Variants in PIGB observed in about 807,000 individuals in gnomAD.
PIGB encodes GPI alpha-1,2-mannosyltransferase 3.
A neutral mutation model predicts 68.4 loss-of-function variants in PIGB; 58 were observed. The ratio of observed to expected loss-of-function variants is 0.85; its 90% CI spans 0.69 to 1.06. The LOEUF (loss-of-function observed/expected upper bound fraction) is 1.06, where lower values mean the gene tolerates loss of function less well. Ranked by LOEUF, PIGB falls within the 50% of genes least tolerant of loss-of-function variation. The pLI is 0.00. For synonymous variants in PIGB, 219 were observed against 220.5 expected (o/e 0.99, Z 0.06); for missense variants, 634 against 655.8 (o/e 0.97, Z 0.36).
intron 11 of PIGB, 78 bp from the exon 12 acceptor site, chr15:55,355,208 T>A: frequency 8.7e-7 from 1 of 1,152,184 alleles, no homozygotes; most frequent in Non-Finnish European, 1.2e-6. Flanking sequence ...GCAATTAGAA[T>A]AGGCAATTCT....
chr15:55,329,027 A>G (rs936829193), intron 4 of PIGB, among the ~76,000 whole-genome samples: 3 of 152,198 alleles, frequency 2.0e-5, no homozygotes, highest in African/African-American at 7.2e-5. Context: ...GAAAATTGGG[A>G]ACATTTTTTA....
At position 55,319,379 on chromosome 15, in the gene PIGB, C is replaced by A. The variant is rs1055991812; in HGVS notation, c.129C>A (p.Phe43Leu). The A allele has an allele frequency of 3.2e-6, 5 of 1,553,882 alleles. No individual in the cohort carries two copies. Among genetic ancestry groups the A allele is most frequent in the Non-Finnish European group, 4.4e-6 (5 of 1,148,124 alleles). ...GAAAGAGAAAGTCTACCTTGTACTT[C>A]AACACCCAGGAGAAGAGCGCCAGGC... ...KLRKRKSTLY[F>L]NTQEKSARRR... is the part of the protein sequence containing the mutation. Residue 43 changes from phenylalanine (F) to leucine (L), a missense_variant, in exon 1 of 12, where the codon TTC becomes TTA. Transcript: ENST00000164305.
intron 3 of PIGB, among the ~76,000 whole-genome samples, chr15:55,325,924 C>T (rs1405056859): frequency 1.3e-5 from 2 of 151,980 alleles, no homozygotes; most frequent in Non-Finnish European, 2.9e-5. Context: ...TCGCTGGGCA[C>T]GGTTGCTCAC....
chr15:55,330,903 T>C (rs957232632), intron 5 of PIGB, among the ~76,000 whole-genome samples: 2 of 152,198 alleles, frequency 1.3e-5, no homozygotes, highest in Non-Finnish European at 2.9e-5. Context: ...ACGTATATGA[T>C]GAGGACTTTA....
rs1245601311 is a variant in PIGB at position 55,355,363 on chromosome 15, A to T, written c.1596A>T (p.Arg532=). ...TCCACACTCACTTGCCAGAGGGTCG[A>T]ATTGGAAGTCACATATATGTCTATG... The part of the protein sequence containing the change: ...VFFHTHLPEG[R]IGSHIYVYER... Residue 532 remains arginine (R), a synonymous_variant, in exon 12 of 12, where the codon CGA becomes CGT. Transcript: ENST00000164305. 6.2e-7 allele frequency: 1 copy of T among 1,611,482 alleles called. No individual in the cohort carries two copies. The highest frequency in any genetic ancestry group is 8.5e-7 in the Non-Finnish European group (1 of 1,177,774).
At chr15:55,345,565 C>A (rs999822223) in intron 9 of PIGB, among the ~76,000 whole-genome samples, 2 of 152,162 alleles carry the variant, frequency 1.3e-5, no homozygotes, top group African/African-American at 4.8e-5. Flanking sequence ...TCAAGACCAG[C>A]CTGGCCAACA....
At chr15:55,350,592 A>G in intron 9 of PIGB, 107 bp from the exon 10 acceptor site, 1 of 724,338 alleles carries the variant, frequency 1.4e-6, no homozygotes, top group Non-Finnish European at 2.4e-6. Context: ...TTTGTCTATA[A>G]CAGTATTACA....
chr15:55,332,533 G>A (rs1458498461), intron 5 of PIGB, among the ~76,000 whole-genome samples: 3 of 151,682 alleles, frequency 2.0e-5, no homozygotes, highest in African/African-American at 7.3e-5. Context: ...ACCACACCCA[G>A]CTAATTTTTT....
At chr15:55,333,314 G>A (rs1379311838) in intron 5 of PIGB, among the ~76,000 whole-genome samples, 1 of 152,148 alleles carries the variant, frequency 6.6e-6, no homozygotes, top group Non-Finnish European at 1.5e-5. Flanking sequence ...TAGCTATTTA[G>A]GCCAGGCACT....
In PIGB at chr15:55,342,684, C is replaced by T. The variant is rs189427748; in HGVS notation, c.1123+882C>T. On this transcript the variant is annotated intron_variant, in intron 9 of 11. Coordinates refer to ENST00000164305, the MANE Select transcript of PIGB (RefSeq NM_004855.5). ...CTGGGATTGCAGGCGTGAGCCACCG[C>T]GCCCAGCCTGGCATATGCCATTTTT... is the stretch of plus-strand genomic sequence containing the variant. Among the ~76,000 whole-genome samples, 209 of 152,332 alleles carry T rather than the reference C, an allele frequency of 1.4e-3. 1 individual carries two copies. The highest frequency in any genetic ancestry group is 2.5e-3 in the East Asian group (13 of 5,182).
Position 55,355,444 on chromosome 15 carries a change from TA to T in PIGB, c.*15del. On this transcript the variant is annotated 3_prime_UTR_variant, in exon 12 of 12. Coordinates refer to ENST00000164305, the MANE Select transcript of PIGB (RefSeq NM_004855.5). Reference sequence around the variant, plus strand: ...AGATGAAATTCTGAACTTTCCTAGATAAATTAACATTGCTGGGTGGAAATAT... The same window carrying T: ...AGATGAAATTCTGAACTTTCCTAGATAATTAACATTGCTGGGTGGAAATAT... 1 of 1,596,220 alleles carries T rather than the reference TA, an allele frequency of 6.3e-7. No individual in the cohort carries two copies. The highest frequency in any genetic ancestry group is 8.6e-7 in the Non-Finnish European group (1 of 1,169,562).
At chr15:55,339,669 C>A (rs1027531326) in intron 7 of PIGB, among the ~76,000 whole-genome samples, 2 of 152,286 alleles carry the variant, frequency 1.3e-5, no homozygotes, top group East Asian at 3.9e-4. Context: ...ACCACACAGT[C>A]CAAAAAATAT....
At chr15:55,327,411 T>C (rs2055318241) in intron 3 of PIGB, 120 bp from the exon 4 acceptor site, 3 of 629,048 alleles carry the variant, frequency 4.8e-6, no homozygotes. Context: ...ATATATTGCC[T>C]ATTTTTGTAC....
intron 9 of PIGB, chr15:55,349,803 C>G (rs1045557954): frequency 2.0e-5 from 3 of 152,152 alleles, no homozygotes; most frequent in African/African-American, 7.2e-5. Flanking sequence ...GAACTATTAT[C>G]TAGTTCTATA....
At chr15:55,324,091 G>A (rs951570896) in intron 3 of PIGB, among the ~76,000 whole-genome samples, 1 of 152,112 alleles carries the variant, frequency 6.6e-6, no homozygotes, top group Admixed American at 6.6e-5. Context: ...TTTCACCGTG[G>A]CCAGGCTGGA....
chr15:55,346,965 CAGA>C lies in PIGB; in HGVS notation c.1124-3731_1124-3729del, dbSNP rs374714248. 1.2e-4 allele frequency among the ~76,000 whole-genome samples: 18 copies of C among 152,334 alleles called. 1 individual carries two copies. Among genetic ancestry groups the C allele is most frequent in the Admixed American group, 7.2e-4 (11 of 15,302 alleles). Reference sequence around the variant, plus strand: ...AATCCCCTTTGGAAGCTTTCAGTGCCAGAAGGTTTAAAAACCCCTCAGAGGCCT... The same window carrying C: ...AATCCCCTTTGGAAGCTTTCAGTGCCAGGTTTAAAAACCCCTCAGAGGCCT... On this transcript the variant is annotated intron_variant, in intron 9 of 11. Coordinates refer to ENST00000164305, the MANE Select transcript of PIGB (RefSeq NM_004855.5).
intron 11 of PIGB, 130 bp downstream of exon 11, chr15:55,355,108 C>A: frequency 1.1e-6 from 1 of 938,632 alleles, no homozygotes; most frequent in South Asian, 1.6e-5. Context: ...TTAGTCTTTT[C>A]TCCAGTCAAA....
chr15:55,355,589 G>C lies in PIGB; in HGVS notation c.*157G>C. 1 of 515,352 alleles carries C rather than the reference G, an allele frequency of 1.9e-6. No homozygotes were observed. Among genetic ancestry groups the C allele is most frequent in the Non-Finnish European group, 3.3e-6 (1 of 298,694 alleles). 31.9% of individuals were successfully genotyped at this position (515,352 alleles called of 1,614,324 possible). On this transcript the variant is annotated 3_prime_UTR_variant, in exon 12 of 12. Coordinates refer to ENST00000164305, the MANE Select transcript of PIGB (RefSeq NM_004855.5). The stretch of plus-strand genomic sequence containing the variant: ...GAGGAAATGTATAAAATACCACATA[G>C]TATAAAATTACATGTTAATACAATG...
chr15:55,339,668 T>C (rs993575661), intron 7 of PIGB, among the ~76,000 whole-genome samples: 2 of 152,208 alleles, frequency 1.3e-5, no homozygotes, highest in African/African-American at 4.8e-5. Context: ...TACCACACAG[T>C]CCAAAAAATA....
Sources: allele counts gnomAD v4.1 joint callset (sites outside exome capture counted in the v4.1 genomes callset), GRCh38; gene constraint gnomAD v4.1.1; transcripts MANE v1.5; gene names NCBI Gene and HGNC (gene_info 2026-07-23, HGNC 2026-07-21).